SDK2: variants seen among roughly 807,000 people sequenced by gnomAD.
SDK2 encodes the protein sidekick cell adhesion molecule 2.
In SDK2, 105 loss-of-function variants were observed where a neutral mutation model predicts 253.9. The ratio of observed to expected loss-of-function variants is 0.41; its 90% CI spans 0.35 to 0.49. The LOEUF (loss-of-function observed/expected upper bound fraction) is 0.49, where lower values mean the gene tolerates loss of function less well. SDK2 is among the 20% of genes least tolerant of loss of function. The pLI is 0.06. For missense variants in SDK2, 2,608 were observed against 3,003.0 expected (o/e 0.87, Z 3.07); for synonymous variants, 1,249 against 1,234.9 (o/e 1.01, Z -0.24).
chr17:73,573,720 G>A (rs2045419357), intron 1 of SDK2, among the ~76,000 whole-genome samples: 1 of 152,182 alleles, frequency 6.6e-6, no homozygotes, highest in African/African-American at 2.4e-5. Flanking sequence ...CAGCCAGAGG[G>A]ATTGATTTAA....
intron 1 of SDK2, among the ~76,000 whole-genome samples, chr17:73,621,021 C>T (rs1282976306): frequency 3.9e-5 from 6 of 152,074 alleles, no homozygotes; most frequent in Admixed American, 3.9e-4. Context: ...TGAATTTCAC[C>T]TCAATTACAA....
intron 2 of SDK2, among the ~76,000 whole-genome samples, chr17:73,488,458 G>A (rs1371037967): frequency 6.6e-6 from 1 of 152,220 alleles, no homozygotes; most frequent in African/African-American, 2.4e-5. Context: ...GCACAGTTTT[G>A]TCTGCAAGAA....
chr17:73,449,780 TGTG>T (rs1468740880), intron 4 of SDK2, among the ~76,000 whole-genome samples: 1 of 151,004 alleles, frequency 6.6e-6, no homozygotes, highest in Non-Finnish European at 1.5e-5. Context: ...ATTAGCCGGG[TGTG>T]GTGGTGGTGC....
chr17:73,363,919 C>A (rs1361202029), intron 38 of SDK2, among the ~76,000 whole-genome samples: 1 of 151,966 alleles, frequency 6.6e-6, no homozygotes, highest in Non-Finnish European at 1.5e-5. Context: ...ACACACAGCT[C>A]CCCTTTGCAG....
At chr17:73,519,768 G>C (rs7217454) in intron 1 of SDK2, 21,064 of 152,152 alleles carry the variant, frequency 0.14, 2,539 homozygotes, top group African/African-American at 0.32. Flanking sequence ...TTGGAGCCCA[G>C]GAACAGATTC....
chr17:73,438,065 G>C lies in SDK2; in HGVS notation c.815C>G (p.Pro272Arg). 6.4e-7 allele frequency: 1 copy of C among 1,551,712 alleles called. No individual in the cohort carries two copies. The change falls in exon 7 of 45, where the codon CCC becomes CGC. Residue 272 changes from proline (P) to arginine (R), a missense_variant. This residue lies in a region of SDK2 where 1,505 missense variants were observed against 1,859.1 expected (regional missense o/e 0.81). Transcript: ENST00000392650. ...GCCGGCGTCACTGCCGGTGGGGTTG[G>C]GGATGGTGAGCCGGCGGTTGTGGTC... ...ISDHNRRLTIPNPTGSDAGYY... is the reference protein window; with the variant it reads ...ISDHNRRLTIRNPTGSDAGYY...
At chr17:73,370,131 C>G (rs926897713) in intron 36 of SDK2, among the ~76,000 whole-genome samples, 4 of 152,200 alleles carry the variant, frequency 2.6e-5, no homozygotes, top group Non-Finnish European at 4.4e-5. Flanking sequence ...CTGGAGGAAG[C>G]CCATAAAGTG....
At chr17:73,424,711 G>A (rs1250331083) in intron 12 of SDK2, among the ~76,000 whole-genome samples, 1 of 152,174 alleles carries the variant, frequency 6.6e-6, no homozygotes, top group Non-Finnish European at 1.5e-5. Context: ...CAGCCCTGGG[G>A]GGCAGGATGC....
At chr17:73,559,286 G>C (rs1049826602) in intron 1 of SDK2, among the ~76,000 whole-genome samples, 6 of 152,150 alleles carry the variant, frequency 3.9e-5, no homozygotes, top group Admixed American at 2.0e-4. Flanking sequence ...TGAGCCTTGG[G>C]TTTCCTCGCT....
intron 2 of SDK2, among the ~76,000 whole-genome samples, chr17:73,500,249 G>A (rs750711166): frequency 7.1e-5 from 7 of 99,144 alleles, no homozygotes; most frequent in Admixed American, 1.3e-4. Flanking sequence ...ACCATCCTCC[G>A]TCCATCCTCC....
intron 1 of SDK2, among the ~76,000 whole-genome samples, chr17:73,529,713 C>A (rs75279231): frequency 0.032 from 4,812 of 152,144 alleles, 212 homozygotes; most frequent in African/African-American, 0.095. Context: ...AGCAATATAT[C>A]CACAAGTCAA....
At chr17:73,597,204 A>G (rs9905301) in intron 1 of SDK2, among the ~76,000 whole-genome samples, 55,141 of 151,960 alleles carry the variant, frequency 0.36, 11,002 homozygotes, top group African/African-American at 0.54. Context: ...CGGGGCCTTG[A>G]AGGGTGGAGA....
chr17:73,492,516 C>G (rs2145731014), intron 2 of SDK2, among the ~76,000 whole-genome samples: 1 of 152,286 alleles, frequency 6.6e-6, no homozygotes, highest in South Asian at 2.1e-4. Flanking sequence ...GTCTGTGAGC[C>G]CACCAGTGCC....
In SDK2 at chr17:73,358,867, G is replaced by C. The variant is rs72853930; in HGVS notation, c.5468-663C>G. On this transcript the variant is annotated intron_variant, in intron 39 of 44. Coordinates refer to ENST00000392650, the MANE Select transcript of SDK2 (RefSeq NM_001144952.2). ...GGGAGGAAGGACTGGGCCCCATGCC[G>C]CGCTCCTGGAATGAAGGTACGTCAG... Among the ~76,000 whole-genome samples, 751 of 152,194 alleles carry C rather than the reference G, an allele frequency of 4.9e-3. 3 individuals are homozygous for C. Among genetic ancestry groups the C allele is most frequent in the Non-Finnish European group, 8.1e-3 (553 of 67,984 alleles).
rs1430205656 is a variant in SDK2 at position 73,422,420 on chromosome 17, C to T, written c.1912G>A (p.Val638Ile). 2 of 1,613,950 alleles carry T rather than the reference C, an allele frequency of 1.2e-6. No individual in the cohort carries two copies. The highest frequency in any genetic ancestry group is 2.2e-5 in the East Asian group (1 of 44,872). Residue 638 changes from valine (V) to isoleucine (I), a missense_variant, in exon 15 of 45, where the codon GTA becomes ATA. Transcript: ENST00000392650. ...TTGGGGTCCACACTGGCCAGGAGTA[C>T]AGTCCAGGGGGCATCTGCAGGGACA... ...EMSENNAPWTVLLASVDPKAT... is the reference protein window; with the variant it reads ...EMSENNAPWTILLASVDPKAT...
rs1301305300 is a variant in SDK2, at chr17:73,563,951, C to T, written c.65-56354G>A. ...ATTTTTTATATTTTTTGTAGAGACA[C>T]GGCTTTGCCATGTTGCCCAGGCTGG... On this transcript the variant is annotated intron_variant, in intron 1 of 44. Coordinates refer to ENST00000392650, the MANE Select transcript of SDK2 (RefSeq NM_001144952.2). Among the ~76,000 whole-genome samples the T allele has an allele frequency of 4.6e-5, 7 of 152,004 alleles. No homozygotes were observed. In the East Asian group the frequency reaches 1.2e-3, roughly 25 times the overall value.
Position 73,395,032 on chromosome 17 carries a change from G to A in SDK2, c.3592+123C>T. The A allele has an allele frequency of 1.4e-6, 1 of 707,926 alleles. No individual in the cohort carries two copies. Among genetic ancestry groups the A allele is most frequent in the Non-Finnish European group, 2.4e-6 (1 of 423,138 alleles). 43.9% of individuals were successfully genotyped at this position (707,926 alleles called of 1,614,324 possible). On this transcript the variant is annotated intron_variant, in intron 25 of 44. Coordinates refer to ENST00000392650, the MANE Select transcript of SDK2 (RefSeq NM_001144952.2). This position sits in a 1 kb window ranked among gnomAD's most constrained non-coding sequence, Gnocchi z 4.3. ...CATTGTGACATTGAGCATAAGCAGA[G>A]GAAATGAGCTCAGGCTGTTTTTGAA...
intron 3 of SDK2, among the ~76,000 whole-genome samples, chr17:73,457,300 T>A (rs1295608178): frequency 6.2e-5 from 1 of 16,064 alleles, no homozygotes; most frequent in Non-Finnish European, 9.4e-5. Context: ...CCTCCCTCCC[T>A]CCCCCTCCCC....
chr17:73,518,742 G>A (rs1385958274), intron 1 of SDK2: 1 of 152,140 alleles, frequency 6.6e-6, no homozygotes, highest in African/African-American at 2.4e-5. Context: ...TAAAAGTGGC[G>A]ATAATAAAAT....
Sources: allele counts gnomAD v4.1 joint callset (sites outside exome capture counted in the v4.1 genomes callset), GRCh38; gene constraint gnomAD v4.1.1; regional missense constraint gnomAD v4.1.1; non-coding constraint Gnocchi (gnomAD v3.1); transcripts MANE v1.5; gene names NCBI Gene and HGNC (gene_info 2026-07-23, HGNC 2026-07-21).